The following FAM227A variants were observed in gnomAD, a reference collection of about 807,000 sequenced individuals.
FAM227A encodes protein FAM227A.
Under a neutral mutation model 74.7 loss-of-function variants are expected in FAM227A, and 80 were observed. The observed-to-expected ratio is 1.07, with a 90% CI of 0.89 to 1.29. The LOEUF is 1.29. FAM227A is among the 50% of genes most tolerant of loss of function. The probability of loss-of-function intolerance (pLI) is 0.00; values close to 1 mark genes in which losing one functional copy is unlikely to be tolerated. For missense variants in FAM227A, 654 were observed against 683.4 expected (o/e 0.96, Z 0.48); for synonymous variants, 237 against 241.8 (o/e 0.98, Z 0.19).
chr22:38,605,121 C>A, intron 13 of FAM227A, 133 bp downstream of exon 13: 1 of 574,328 alleles, frequency 1.7e-6, no homozygotes, highest in Non-Finnish European at 3.1e-6. Flanking sequence ...AGAAAATGCA[C>A]TGTTTGCATA....
intron 15 of FAM227A, 97 bp downstream of exon 15, chr22:38,597,107 A>AC (rs898610811): frequency 3.5e-6 from 4 of 1,151,160 alleles, no homozygotes; most frequent in Non-Finnish European, 5.0e-6. Context: ...GTTACAGGAA[A>AC]CCCCCCTGCC....
chr22:38,618,931 T>C (rs557162388), intron 11 of FAM227A, among the ~76,000 whole-genome samples: 5 of 151,360 alleles, frequency 3.3e-5, no homozygotes, highest in African/African-American at 1.2e-4. Context: ...ATTCATAGTT[T>C]GCTAAACCCT....
intron 6 of FAM227A, among the ~76,000 whole-genome samples, chr22:38,634,221 CAAAAA>C (rs34039010): frequency 3.2e-5 from 2 of 62,156 alleles, no homozygotes; most frequent in Admixed American, 3.8e-4. Context: ...GACTCTGTCT[CAAAAA>C]AAAAAAAAAA....
intron 15 of FAM227A, among the ~76,000 whole-genome samples, chr22:38,592,355 AATTT>A (rs1296272725): frequency 5.3e-5 from 8 of 152,204 alleles, no homozygotes; most frequent in African/African-American, 9.7e-5. Flanking sequence ...ACCTAATGAG[AATTT>A]ATTTATTAAA....
At chr22:38,636,355 G>A (rs551516514) in intron 6 of FAM227A, 96 bp downstream of exon 6, 1 of 1,354,098 alleles carries the variant, frequency 7.4e-7, no homozygotes, top group South Asian at 1.5e-5. Context: ...TGTGGCCCTA[G>A]GTGAGTTCCT....
intron 10 of FAM227A, among the ~76,000 whole-genome samples, chr22:38,621,148 G>A (rs1289919523): frequency 1.3e-5 from 2 of 151,874 alleles, no homozygotes; most frequent in African/African-American, 4.8e-5. Flanking sequence ...ACCAGCCTGG[G>A]CAACATGGTG....
In FAM227A at chr22:38,582,351, A is replaced by G. The variant is rs1420285701; in HGVS notation, c.*3774T>C. ...ATTTTAACTTCATCTCTTCTAGTTT[A>G]ACATCTGAATTTATCTTCTTCCATG... On this transcript the variant is annotated 3_prime_UTR_variant, in exon 17 of 17. Coordinates refer to ENST00000535113, the MANE Select transcript of FAM227A (RefSeq NM_001013647.2). 1 of 1,550,088 alleles carries G rather than the reference A, an allele frequency of 6.5e-7. No homozygotes were observed. The highest frequency in any genetic ancestry group is 2.0e-5 in the Admixed American group (1 of 50,962).
intron 11 of FAM227A, among the ~76,000 whole-genome samples, chr22:38,617,157 G>A (rs1038471566): frequency 9.2e-5 from 14 of 152,230 alleles, no homozygotes; most frequent in African/African-American, 3.1e-4. Context: ...CTGTGGGGCC[G>A]CACAGTCTTC....
intron 13 of FAM227A, among the ~76,000 whole-genome samples, chr22:38,603,967 C>T (rs2091229200): frequency 6.6e-6 from 1 of 151,964 alleles, no homozygotes. Flanking sequence ...AATCTAAAAG[C>T]CATAAGAGAC....
chr22:38,621,584 G>A (rs879055753), intron 10 of FAM227A, among the ~76,000 whole-genome samples: 3 of 152,072 alleles, frequency 2.0e-5, no homozygotes, highest in Admixed American at 6.6e-5. Context: ...CAGCCTGGGC[G>A]ACAGAGCAAG....
chr22:38,625,508 T>C (rs1448319950), intron 9 of FAM227A, among the ~76,000 whole-genome samples: 1 of 151,878 alleles, frequency 6.6e-6, no homozygotes. Context: ...GGTGGGATGA[T>C]CTAAACCCGC....
At chr22:38,589,551 A>G (rs367786995) in intron 16 of FAM227A, among the ~76,000 whole-genome samples, 193 of 152,218 alleles carry the variant, frequency 1.3e-3, no homozygotes, top group African/African-American at 4.6e-3. Flanking sequence ...GACTGAGAGC[A>G]CTCCCGACCT....
chr22:38,610,942 C>A (rs1183704700), intron 11 of FAM227A, among the ~76,000 whole-genome samples: 1 of 151,940 alleles, frequency 6.6e-6, no homozygotes, highest in Non-Finnish European at 1.5e-5. Context: ...CACCTGTAAC[C>A]CCAGCTACTT....
At chr22:38,628,040 A>G (rs991013368) in intron 8 of FAM227A, among the ~76,000 whole-genome samples, 198 bp downstream of exon 8, 1 of 152,096 alleles carries the variant, frequency 6.6e-6, no homozygotes, top group African/African-American at 2.4e-5. Context: ...TTTTTCACTT[A>G]AATATATCAT....
intron 3 of FAM227A, among the ~76,000 whole-genome samples, chr22:38,640,421 A>G (rs1430884317): frequency 1.3e-5 from 2 of 152,120 alleles, no homozygotes; most frequent in East Asian, 1.9e-4. Flanking sequence ...GAGCTGTTCA[A>G]TAAGGGGTCT....
chr22:38,621,392 A>C (rs2091688263), intron 10 of FAM227A, among the ~76,000 whole-genome samples: 1 of 151,360 alleles, frequency 6.6e-6, no homozygotes, highest in South Asian at 2.1e-4. Context: ...ACAAGAAAAA[A>C]AAAAAAACTC....
At chr22:38,603,235 G>A (rs2091214163) in intron 13 of FAM227A, among the ~76,000 whole-genome samples, 1 of 152,138 alleles carries the variant, frequency 6.6e-6, no homozygotes, top group Admixed American at 6.5e-5. Context: ...GCTCACGCCT[G>A]TAATCCCTTT....
intron 11 of FAM227A, among the ~76,000 whole-genome samples, chr22:38,615,326 A>C (rs1843830699): frequency 6.6e-6 from 1 of 152,136 alleles, no homozygotes; most frequent in South Asian, 2.1e-4. Flanking sequence ...GCCCGGACAG[A>C]GTTTACCTTC....
intron 14 of FAM227A, among the ~76,000 whole-genome samples, chr22:38,598,237 T>C (rs2091092813): frequency 6.6e-6 from 1 of 152,178 alleles, no homozygotes; most frequent in Non-Finnish European, 1.5e-5. Context: ...TTAATCATAA[T>C]CCTGGTAGTT....
Sources: gnomAD v4.1 joint callset for allele counts (sites outside exome capture counted in the v4.1 genomes callset) on GRCh38, gnomAD v4.1.1 for gene constraint, MANE v1.5 for transcripts, NCBI Gene and HGNC (gene_info 2026-07-23, HGNC 2026-07-21) for gene names.